The following DYNC2LI1 variants were observed in gnomAD, a reference collection of about 807,000 sequenced individuals.
DYNC2LI1 encodes the protein cytoplasmic dynein 2 light intermediate chain 1.
A neutral mutation model predicts 51.9 loss-of-function variants in DYNC2LI1; 45 were observed. The ratio of observed to expected loss-of-function variants is 0.87; its 90% CI spans 0.68 to 1.11. The LOEUF is 1.11. Among genes scored for constraint, DYNC2LI1 ranks in the 50% most tolerant of loss-of-function variants. The probability of loss-of-function intolerance (pLI) is 0.00; values close to 1 mark genes in which losing one functional copy is unlikely to be tolerated. For synonymous variants in DYNC2LI1, 130 were observed against 137.8 expected (o/e 0.94, Z 0.40); for missense variants, 490 against 417.4 (o/e 1.17, Z -1.51).
At chr2:43,804,540 G>A (rs1017912197) in intron 10 of DYNC2LI1, 102 bp from the exon 11 acceptor site, 8 of 735,790 alleles carry the variant, frequency 1.1e-5, no homozygotes, top group Non-Finnish European at 1.7e-5. Context: ...GGGAAAATGA[G>A]TGATCCGAGA....
chr2:43,794,886 A>G, intron 6 of DYNC2LI1: 1 of 1,391,094 alleles, frequency 7.2e-7, no homozygotes, highest in Non-Finnish European at 9.3e-7. Context: ...TACACCAATC[A>G]GAGAAATAGA....
At chr2:43,803,889 T>C (rs958197270) in intron 10 of DYNC2LI1, among the ~76,000 whole-genome samples, 1 of 152,206 alleles carries the variant, frequency 6.6e-6, no homozygotes, top group Non-Finnish European at 1.5e-5. Flanking sequence ...TTTAAATTTT[T>C]CAAATTAAAT....
In DYNC2LI1 at chr2:43,776,900, G is replaced by T; in HGVS notation, c.126+1G>T. On this transcript the variant is annotated splice_donor_variant, in intron 2 of 12. Coordinates refer to ENST00000260605, the MANE Select transcript of DYNC2LI1 (RefSeq NM_016008.4). LOFTEE classifies it high-confidence loss of function. ...TTTCTTCATTGGCAGTAAAAATGGG[G>T]TAATGCTTTCTTTTTTTCAATTATT... 1 of 1,418,716 alleles carries T rather than the reference G, an allele frequency of 7.0e-7. No individual in the cohort carries two copies. 87.9% of individuals were successfully genotyped at this position (1,418,716 alleles called of 1,614,324 possible). A position where few individuals can be genotyped will look rare whatever the true frequency, so the allele number is the denominator to read the frequency against.
chr2:43,792,915 G>C, intron 5 of DYNC2LI1: 2 of 1,151,882 alleles, frequency 1.7e-6, no homozygotes, highest in Non-Finnish European at 2.3e-6. Context: ...CAGAACATTT[G>C]GGTTGTTTTC....
intron 6 of DYNC2LI1, among the ~76,000 whole-genome samples, chr2:43,795,667 A>G (rs1004494545): frequency 3.3e-5 from 5 of 152,228 alleles, no homozygotes; most frequent in Admixed American, 6.5e-5. Context: ...AAGGAAAATA[A>G]TAAATATCAT....
chr2:43,813,982 C>G (rs1666656474), downstream of DYNC2LI1, among the ~76,000 whole-genome samples: 1 of 152,088 alleles, frequency 6.6e-6, no homozygotes, highest in Non-Finnish European at 1.5e-5. Flanking sequence ...TCCCAAAGTG[C>G]TGGGATTACA....
chr2:43,774,442 C>A lies in DYNC2LI1; in HGVS notation c.8+296C>A, dbSNP rs534128187. ...GAGACTACTTCCGGAGCAGGACATT[C>A]GGCGATGAGCTAGACCACAAAGCCT... On this transcript the variant is annotated intron_variant, in intron 1 of 12. Coordinates refer to ENST00000260605, the MANE Select transcript of DYNC2LI1 (RefSeq NM_016008.4). Among the ~76,000 whole-genome samples the A allele has an allele frequency of 2.6e-5, 4 of 152,186 alleles. No individual in the cohort carries two copies. The South Asian group carries it at 8.3e-4, about 31-fold the overall frequency.
chr2:43,795,823 A>C (rs1674009072), intron 6 of DYNC2LI1, 67 bp from the exon 7 acceptor site: 1 of 1,213,856 alleles, frequency 8.2e-7, no homozygotes, highest in Non-Finnish European at 1.2e-6. Context: ...TTTGGAAGTA[A>C]ATAGAAATTG....
intron 2 of DYNC2LI1, chr2:43,781,651 C>T (rs774058758): frequency 2.1e-5 from 3 of 143,686 alleles, no homozygotes; most frequent in East Asian, 2.0e-4. Context: ...CGCCTAGGTT[C>T]GAGTGCAGTG....
the DYNC2LI1 span, chr2:43,822,939 G>C: frequency 3.4e-5 from 55 of 1,613,522 alleles, no homozygotes; most frequent in Non-Finnish European, 4.4e-5. Context: ...ACGGGAACTG[G>C]GGATGGAAGG....
Position 43,794,591 on chromosome 2 carries a change from C to A in DYNC2LI1, c.455C>A (p.Ala152Glu). 2 of 1,614,014 alleles carry A rather than the reference C, an allele frequency of 1.2e-6. No homozygotes were observed. Among genetic ancestry groups the A allele is most frequent in the Non-Finnish European group, 1.7e-6 (2 of 1,179,994 alleles). ...IMKLGKTNAK[A>E]VSEMRQKIWN... The stretch of plus-strand genomic sequence containing the variant: ...AAACTGGGAAAGACAAATGCTAAAG[C>A]AGTTTCTGAAATGAGACAGAAGATC... Residue 152 changes from alanine (A) to glutamate (E), a missense_variant, in exon 6 of 13, where the codon GCA (alanine) becomes GAA (glutamate). Ala to Glu is a moderately radical substitution (Grantham distance 107). Transcript: ENST00000260605.
At chr2:43,822,466 CCCCTCCCCCAGG>C in the DYNC2LI1 span, 3 of 767,720 alleles carry the variant, frequency 3.9e-6, no homozygotes, top group Non-Finnish European at 4.6e-6. Context: ...GCTGCTTTCT[CCCCTCCCCCAGG>C]CCCCCCCCCA....
chr2:43,780,253 C>T (rs1271612700), intron 2 of DYNC2LI1, among the ~76,000 whole-genome samples: 2 of 152,128 alleles, frequency 1.3e-5, no homozygotes, highest in East Asian at 1.9e-4. Context: ...CAAGATGTAA[C>T]CTTGGAAGTG....
intron 12 of DYNC2LI1, among the ~76,000 whole-genome samples, chr2:43,808,179 T>C (rs1162625181): frequency 6.6e-6 from 1 of 151,852 alleles, no homozygotes; most frequent in African/African-American, 2.4e-5. Context: ...ATTAGCTTTA[T>C]TAGAAAAAAA....
At chr2:43,827,617 A>G in the DYNC2LI1 span, among the ~76,000 whole-genome samples, 971 of 152,256 alleles carry the variant, frequency 6.4e-3, 13 homozygotes, top group African/African-American at 0.022. Context: ...CTGCCATTTC[A>G]TGAACACCTG....
the DYNC2LI1 span, chr2:43,826,263 G>T: frequency 6.7e-7 from 1 of 1,487,902 alleles, no homozygotes. Flanking sequence ...GCCTCCCAAA[G>T]TGCTGGAATT....
At chr2:43,779,369 C>A (rs957779109) in intron 2 of DYNC2LI1, among the ~76,000 whole-genome samples, 1 of 152,222 alleles carries the variant, frequency 6.6e-6, no homozygotes, top group Non-Finnish European at 1.5e-5. Flanking sequence ...ATAGTAATCA[C>A]CCTTTACCAA....
At chr2:43,786,382 A>G (rs999461744) in intron 3 of DYNC2LI1, among the ~76,000 whole-genome samples, 8 of 151,908 alleles carry the variant, frequency 5.3e-5, no homozygotes, top group Admixed American at 6.6e-5. Flanking sequence ...GGGTTTTGCC[A>G]TGTTGCCCAG....
At chr2:43,776,257 A>G (rs898687077) in intron 1 of DYNC2LI1, among the ~76,000 whole-genome samples, 1 of 151,890 alleles carries the variant, frequency 6.6e-6, no homozygotes, top group African/African-American at 2.4e-5. Context: ...GCCTAGGCTG[A>G]TCTCAAGTGA....
Sources: gnomAD v4.1 joint callset for allele counts (sites outside exome capture counted in the v4.1 genomes callset) on GRCh38, gnomAD v4.1.1 for gene constraint, MANE v1.5 for transcripts, NCBI Gene and HGNC (gene_info 2026-07-23, HGNC 2026-07-21) for gene names.